OSGIN1: variants seen among roughly 807,000 people sequenced by gnomAD.
The protein encoded by OSGIN1 is oxidative stress induced growth inhibitor 1, also known as oxidative stress-induced growth inhibitor 1.
Under a neutral mutation model 20.1 loss-of-function variants are expected in OSGIN1, and 19 were observed. That is an observed-to-expected ratio of 0.95 (90% CI 0.66 to 1.39). The LOEUF is 1.39. Among genes scored for constraint, OSGIN1 ranks in the 40% most tolerant of loss-of-function variants. OSGIN1 has a pLI of 0.00. For synonymous variants in OSGIN1, 368 were observed against 297.8 expected (o/e 1.24, Z -2.43); for missense variants, 820 against 653.0 (o/e 1.26, Z -2.79).
intron 4 of OSGIN1, 48 bp downstream of exon 4, chr16:83,960,808 T>C (rs760544715): frequency 1.9e-6 from 3 of 1,579,512 alleles, no homozygotes; most frequent in Non-Finnish European, 1.7e-6. Flanking sequence ...CTCTCCCTCG[T>C]TCTCCCCACT....
intron 5 of OSGIN1, among the ~76,000 whole-genome samples, chr16:83,964,712 A>G (rs2084255441): frequency 6.6e-6 from 1 of 152,098 alleles, no homozygotes; most frequent in Non-Finnish European, 1.5e-5. Flanking sequence ...TGCCACCAAC[A>G]TCTTCCTCAT....
At position 83,959,378 on chromosome 16, in the gene OSGIN1, G is replaced by T; in HGVS notation, c.186G>T (p.Gly62=). The T allele has an allele frequency of 6.2e-7, 1 of 1,613,762 alleles. No individual in the cohort carries two copies. The highest frequency in any genetic ancestry group is 8.5e-7 in the Non-Finnish European group (1 of 1,179,974). ...AGAGGAAGCTCACCGAGGCCCCGGG[G>T]GTCTCCATCCTGGACCAGGTGGGTC... ...LLQRKLTEAP[G]VSILDQDLDY... The change falls in exon 3 of 6, where the codon GGG becomes GGT. Residue 62 remains glycine (G), a synonymous_variant. Coordinates refer to ENST00000393306, the MANE Select transcript of OSGIN1 (RefSeq NM_182981.3).
At position 83,965,474 on chromosome 16, in the gene OSGIN1, G is replaced by C; in HGVS notation, c.901G>C (p.Val301Leu). 6.2e-7 allele frequency: 1 copy of C among 1,606,432 alleles called. No individual in the cohort carries two copies. Among genetic ancestry groups the C allele is most frequent in the African/African-American group, 1.3e-5 (1 of 75,000 alleles). The change falls in exon 6 of 6, where the codon GTC becomes CTC. Residue 301 changes from valine to leucine, a missense_variant. Transcript: ENST00000393306. ...IGAGLSAADA[V>L]LYARHYNIPV... Reference sequence around the variant, plus strand: ...CGCGGGGCTGTCAGCGGCCGACGCGGTCCTCTACGCCCGCCACTACAACAT... The same window carrying C: ...CGCGGGGCTGTCAGCGGCCGACGCGCTCCTCTACGCCCGCCACTACAACAT...
chr16:83,960,528 G>GC (rs752206147), intron 3 of OSGIN1, 41 bp from the exon 4 acceptor site: 1 of 1,542,838 alleles, frequency 6.5e-7, no homozygotes, highest in South Asian at 1.1e-5. Context: ...AGACGACCCC[G>GC]CCCTCCTCCA....
intron 2 of OSGIN1, 64 bp from the exon 3 acceptor site, chr16:83,959,196 C>G: frequency 8.7e-7 from 1 of 1,150,076 alleles, no homozygotes; most frequent in Admixed American, 2.0e-5. Flanking sequence ...AGATCAAAGC[C>G]CTCCACAGTA....
At chr16:83,965,007 A>T in intron 5 of OSGIN1, 55 bp from the exon 6 acceptor site, 16 of 475,770 alleles carry the variant, frequency 3.4e-5, no homozygotes, top group Non-Finnish European at 4.5e-5. Flanking sequence ...CGTCCCACCC[A>T]GCCCCCCAAC....
intron 5 of OSGIN1, among the ~76,000 whole-genome samples, chr16:83,962,768 G>A (rs985959881): frequency 6.6e-5 from 10 of 152,206 alleles, no homozygotes; most frequent in South Asian, 2.1e-4. Flanking sequence ...AGAGACAAAC[G>A]GTTGCATTCT....
intron 5 of OSGIN1, among the ~76,000 whole-genome samples, chr16:83,963,347 C>G (rs1382159163): frequency 6.6e-6 from 1 of 152,158 alleles, no homozygotes; most frequent in Non-Finnish European, 1.5e-5. Context: ...TTTACATGGC[C>G]TCACAATATT....
chr16:83,961,104 C>T (rs375722592), intron 5 of OSGIN1, 32 bp downstream of exon 5: 20 of 1,548,684 alleles, frequency 1.3e-5, no homozygotes, highest in East Asian at 1.1e-4. Context: ...TTGGGGGACA[C>T]GGAAGGTTGG....
chr16:83,959,428 G>C (rs750228034), intron 3 of OSGIN1, 32 bp downstream of exon 3: 12 of 1,579,068 alleles, frequency 7.6e-6, no homozygotes, highest in Non-Finnish European at 1.0e-5. Flanking sequence ...GCTCTGGGTA[G>C]TACATACCCG....
chr16:83,963,171 T>C (rs1002717051), intron 5 of OSGIN1, among the ~76,000 whole-genome samples: 1 of 152,210 alleles, frequency 6.6e-6, no homozygotes, highest in African/African-American at 2.4e-5. Context: ...AAGACTCTTC[T>C]GCATGTTTGG....
chr16:83,962,462 C>T (rs1053222154), intron 5 of OSGIN1, among the ~76,000 whole-genome samples: 13 of 152,274 alleles, frequency 8.5e-5, no homozygotes, highest in South Asian at 2.1e-4. Flanking sequence ...AGGATGGTCT[C>T]GATCTCCTGA....
At position 83,965,133 on chromosome 16, in the gene OSGIN1, G is replaced by A; in HGVS notation, c.560G>A (p.Gly187Asp). ...HYYRDYVVKK[G>D]LGHNFVSGAV... ...TACAGGGACTACGTGGTCAAGAAGG[G>A]TCTGGGGCATAACTTTGTGTCCGGT... Residue 187 changes from glycine (G) to aspartate (D), a missense_variant, in exon 6 of 6, where the codon GGT becomes GAT. Transcript: ENST00000393306. 6.2e-7 allele frequency: 1 copy of A among 1,613,494 alleles called. No individual in the cohort carries two copies. The highest frequency in any genetic ancestry group is 8.5e-7 in the Non-Finnish European group (1 of 1,180,000).
rs770710268 is a variant in OSGIN1 at position 83,965,818 on chromosome 16, T to A, written c.1245T>A (p.Asp415Glu). Residue 415 changes from aspartate (D) to glutamate (E), a missense_variant, in exon 6 of 6, where the codon GAT becomes GAA. Transcript: ENST00000393306. Reference protein sequence around the residue: ...LPGAGADFAVDPDQPLSAKRN... With the variant: ...LPGAGADFAVEPDQPLSAKRN... ...GGGCAGGGGCTGACTTTGCAGTGGA[T>A]CCTGACCAGCCGCTGAGCGCCAAGA... The A allele has an allele frequency of 6.2e-7, 1 of 1,612,648 alleles. No homozygotes were observed. Among genetic ancestry groups the A allele is most frequent in the South Asian group, 1.1e-5 (1 of 91,072 alleles).
intron 5 of OSGIN1, among the ~76,000 whole-genome samples, chr16:83,962,512 A>T (rs2084228220): frequency 6.6e-6 from 1 of 152,216 alleles, no homozygotes; most frequent in African/African-American, 2.4e-5. Context: ...AAGTGCTGGG[A>T]TTACAGGCGT....
At chr16:83,955,799 A>ATGTGGT (rs1333180867) in intron 1 of OSGIN1, among the ~76,000 whole-genome samples, 5 of 152,090 alleles carry the variant, frequency 3.3e-5, no homozygotes, top group Non-Finnish European at 7.4e-5. Flanking sequence ...TGAAGAGGCC[A>ATGTGGT]TGTGGTCCCT....
In OSGIN1 at chr16:83,966,063, C is replaced by G. The variant is rs1317611060; in HGVS notation, c.*56C>G. The G allele has an allele frequency of 1.5e-6, 2 of 1,326,820 alleles. No individual in the cohort carries two copies. Among genetic ancestry groups the G allele is most frequent in the African/African-American group, 3.0e-5 (2 of 67,644 alleles). 82.2% of individuals were successfully genotyped at this position (1,326,820 alleles called of 1,614,324 possible). A position where few individuals can be genotyped will look rare whatever the true frequency, so the allele number is the denominator to read the frequency against. On this transcript the variant is annotated 3_prime_UTR_variant, in exon 6 of 6. Coordinates refer to ENST00000393306, the MANE Select transcript of OSGIN1 (RefSeq NM_182981.3). ...CTGAGAGGACAGAGATGACCACATC[C>G]CTGCTGGATGCAGGACCCGTCCAAA... is the stretch of plus-strand genomic sequence containing the variant.
At chr16:83,955,409 C>T (rs751046875) in intron 1 of OSGIN1, among the ~76,000 whole-genome samples, 6 of 152,124 alleles carry the variant, frequency 3.9e-5, no homozygotes, top group Admixed American at 1.3e-4. Context: ...ACGTTCCACC[C>T]GGCAGAGGGG....
At position 83,960,572 on chromosome 16, in the gene OSGIN1, C is replaced by G; in HGVS notation, c.208C>G (p.Leu70Val). 6.2e-7 allele frequency: 1 copy of G among 1,612,886 alleles called. No homozygotes were observed. Among genetic ancestry groups the G allele is most frequent in the Non-Finnish European group, 8.5e-7 (1 of 1,179,732 alleles). ...TCTGACCTATGCCCCCCTCCAGGACCTGGACTACCTGTCCGAAGGCCTCGA... is the reference window on the plus strand; with the variant it reads ...TCTGACCTATGCCCCCCTCCAGGACGTGGACTACCTGTCCGAAGGCCTCGA... The part of the protein sequence containing the change: ...APGVSILDQD[L>V]DYLSEGLEGR... The change falls in exon 4 of 6, where the codon CTG (leucine) becomes GTG (valine). Residue 70 changes from leucine to valine, a missense_variant. Transcript: ENST00000393306.
Sources: allele counts gnomAD v4.1 joint callset (sites outside exome capture counted in the v4.1 genomes callset), GRCh38; gene constraint gnomAD v4.1.1; transcripts MANE v1.5; gene names NCBI Gene and HGNC (gene_info 2026-07-23, HGNC 2026-07-21).